XXYLT1: variants seen among roughly 807,000 people sequenced by gnomAD.
XXYLT1 encodes xyloside xylosyltransferase 1, also known as UDP-xylose:alpha-xyloside alpha-1,3-xylosyltransferase.
A neutral mutation model predicts 28.9 loss-of-function variants in XXYLT1; 20 were observed. The observed-to-expected ratio is 0.69, with a 90% CI of 0.49 to 1.00. The LOEUF (loss-of-function observed/expected upper bound fraction) is 1.00, where lower values mean the gene tolerates loss of function less well. Ranked by LOEUF, XXYLT1 falls within the 50% of genes least tolerant of loss-of-function variation. The probability of loss-of-function intolerance (pLI) is 0.00; values close to 1 mark genes in which losing one functional copy is unlikely to be tolerated. For missense variants in XXYLT1, 542 were observed against 560.1 expected (o/e 0.97, Z 0.33); for synonymous variants, 257 against 253.8 (o/e 1.01, Z -0.12).
intron 3 of XXYLT1, 82 bp from the exon 4 acceptor site, chr3:195,070,193 C>T: frequency 6.8e-7 from 1 of 1,479,262 alleles, no homozygotes; most frequent in Non-Finnish European, 8.9e-7. Flanking sequence ...TCACAGCCAG[C>T]CTGCATGCAA....
At chr3:195,163,273 G>A (rs1720962941) in intron 2 of XXYLT1, among the ~76,000 whole-genome samples, 1 of 152,142 alleles carries the variant, frequency 6.6e-6, no homozygotes, top group Admixed American at 6.5e-5. Flanking sequence ...TCAGAATTAT[G>A]GGCTCCTGTT....
chr3:195,214,435 AC>A (rs1723467645), intron 2 of XXYLT1, among the ~76,000 whole-genome samples: 1 of 151,746 alleles, frequency 6.6e-6, no homozygotes, highest in South Asian at 2.1e-4. Flanking sequence ...TCCATCCTAA[AC>A]CAGCCCCCAC....
intron 3 of XXYLT1, among the ~76,000 whole-genome samples, chr3:195,121,252 C>G (rs1052263878): frequency 2.0e-5 from 3 of 152,192 alleles, no homozygotes; most frequent in Non-Finnish European, 2.9e-5. Flanking sequence ...CTACACCTAC[C>G]GAGGCCTTCC....
intron 1 of XXYLT1, among the ~76,000 whole-genome samples, chr3:195,252,992 A>G (rs1275426848): frequency 1.3e-5 from 2 of 152,188 alleles, no homozygotes; most frequent in Admixed American, 1.3e-4. Context: ...TGCAAGAAAC[A>G]AGGGCTCAAG....
chr3:195,093,795 C>T (rs969777774), intron 3 of XXYLT1: 1 of 152,222 alleles, frequency 6.6e-6, no homozygotes, highest in Non-Finnish European at 1.5e-5. Flanking sequence ...TGCTGCCACT[C>T]CTGGAGCCTT....
At chr3:195,202,139 T>C (rs367774550) in intron 2 of XXYLT1, among the ~76,000 whole-genome samples, 2 of 152,098 alleles carry the variant, frequency 1.3e-5, no homozygotes, top group Non-Finnish European at 2.9e-5. Context: ...ATCGTGCCAC[T>C]GCACTCCTGC....
At position 195,169,869 on chromosome 3, in the gene XXYLT1, AT is replaced by A. The variant is rs34190474; in HGVS notation, c.653-13289del. 2.7e-3 allele frequency among the ~76,000 whole-genome samples: 330 copies of A among 123,228 alleles called. 2 individuals carry two copies. Among genetic ancestry groups the A allele is most frequent in the South Asian group, 7.3e-3 (27 of 3,684 alleles). The allele number at this position is 123,228 out of a possible 152,430, so 80.8% of individuals were successfully genotyped here. A position where few individuals can be genotyped will look rare whatever the true frequency, so the allele number is the denominator to read the frequency against. ...TGTGTGTACATATATATATATATAT[AT>A]TTTTTTTTTTTTGAGATGGAGTTTT... On this transcript the variant is annotated intron_variant, in intron 2 of 3. Coordinates refer to ENST00000310380, the MANE Select transcript of XXYLT1 (RefSeq NM_152531.5).
chr3:195,244,698 C>T (rs1428572590), intron 1 of XXYLT1, among the ~76,000 whole-genome samples: 1 of 131,408 alleles, frequency 7.6e-6, no homozygotes, highest in Non-Finnish European at 1.6e-5. Context: ...GGGGGCAGAG[C>T]GTGCAGTGAG....
chr3:195,082,766 T>C (rs889110749), intron 3 of XXYLT1, among the ~76,000 whole-genome samples: 2 of 151,948 alleles, frequency 1.3e-5, no homozygotes, highest in South Asian at 2.1e-4. Context: ...TGACAATCAC[T>C]TGAACCCCGG....
rs1217912148 is a variant in XXYLT1, at chr3:195,270,872, G to A, written c.187C>T (p.Pro63Ser). The part of the protein sequence containing the change: ...KRLKEARAGA[P>S]AAPSPPALEL... Reference sequence around the variant, plus strand: ...AGCGCGGGCGGCGAGGGCGCGGCGGGAGCCCCGGCGCGGGCCTCCTTCAGC... The same window carrying A: ...AGCGCGGGCGGCGAGGGCGCGGCGGAAGCCCCGGCGCGGGCCTCCTTCAGC... The change falls in exon 1 of 4, where the codon CCC (proline) becomes TCC (serine). Residue 63 changes from proline (P) to serine (S), a missense_variant. Coordinates refer to ENST00000310380, the MANE Select transcript of XXYLT1 (RefSeq NM_152531.5). The A allele has an allele frequency of 5.7e-6, 8 of 1,408,538 alleles. No individual in the cohort carries two copies. Among genetic ancestry groups the A allele is most frequent in the Non-Finnish European group, 7.4e-6 (8 of 1,085,946 alleles). The allele number at this position is 1,408,538 out of a possible 1,614,324, so 87.3% of individuals were successfully genotyped here. A position where few individuals can be genotyped will look rare whatever the true frequency, so the allele number is the denominator to read the frequency against.
intron 3 of XXYLT1, among the ~76,000 whole-genome samples, chr3:195,110,593 TG>T (rs2108697074): frequency 7.5e-6 from 1 of 134,002 alleles, no homozygotes; most frequent in South Asian, 2.5e-4. Context: ...TGTATGTGTG[TG>T]TGTGCTGTAT....
chr3:195,119,318 T>C (rs9837892), intron 3 of XXYLT1, among the ~76,000 whole-genome samples: 78,337 of 148,202 alleles, frequency 0.53, 21,447 homozygotes, highest in Middle Eastern at 0.55. Flanking sequence ...AAATAACATA[T>C]ATAGTGAAGC....
At chr3:195,234,008 C>G (rs1287972001) in intron 1 of XXYLT1, among the ~76,000 whole-genome samples, 1 of 152,070 alleles carries the variant, frequency 6.6e-6, no homozygotes, top group Non-Finnish European at 1.5e-5. Flanking sequence ...GCTCCGCCTC[C>G]CAGGTTCATG....
chr3:195,211,116 G>A (rs984939460), intron 2 of XXYLT1, among the ~76,000 whole-genome samples: 2 of 152,232 alleles, frequency 1.3e-5, no homozygotes, highest in African/African-American at 2.4e-5. Context: ...AAGGCAGGCC[G>A]GGCATGGTAG....
At chr3:195,174,355 C>G (rs1246532415) in intron 2 of XXYLT1, among the ~76,000 whole-genome samples, 2 of 151,112 alleles carry the variant, frequency 1.3e-5, no homozygotes, top group East Asian at 3.9e-4. Context: ...CTTTTTTTTT[C>G]TGAGATAGGG....
chr3:195,202,654 T>G (rs1722909339), intron 2 of XXYLT1, among the ~76,000 whole-genome samples: 1 of 152,162 alleles, frequency 6.6e-6, no homozygotes, highest in South Asian at 2.1e-4. Context: ...CTGGGACCCC[T>G]AAGAATACTT....
chr3:195,270,574 G>A lies in XXYLT1; in HGVS notation c.485C>T (p.Ala162Val). 25 of 1,383,638 alleles carry A rather than the reference G, an allele frequency of 1.8e-5. No individual in the cohort carries two copies. The highest frequency in any genetic ancestry group is 2.3e-5 in the Non-Finnish European group (25 of 1,071,310). 85.7% of individuals were successfully genotyped at this position (1,383,638 alleles called of 1,614,324 possible). A position where few individuals can be genotyped will look rare whatever the true frequency, so the allele number is the denominator to read the frequency against. Residue 162 changes from alanine to valine, a missense_variant, in exon 1 of 4, where the codon GCC becomes GTC. Physicochemically the swap from Ala to Val is moderately conservative, Grantham distance 64. Coordinates refer to ENST00000310380, the MANE Select transcript of XXYLT1 (RefSeq NM_152531.5). Reference protein sequence around the residue: ...KGLLRELLPPAAGFKCKVIFH... With the variant: ...KGLLRELLPPVAGFKCKVIFH... ...GCTCACCTTGCACTTGAAGCCAGCG[G>A]CGGGCGGCAGGAGCTCCCGCAGCAG...
intron 3 of XXYLT1, among the ~76,000 whole-genome samples, chr3:195,079,383 G>A (rs977365602): frequency 6.6e-6 from 1 of 152,132 alleles, no homozygotes; most frequent in Admixed American, 6.5e-5. Flanking sequence ...CAAGGGAAAG[G>A]GATGCATACA....
intron 3 of XXYLT1, among the ~76,000 whole-genome samples, chr3:195,088,109 G>C (rs974026626): frequency 4.6e-5 from 7 of 151,834 alleles, no homozygotes; most frequent in African/African-American, 1.5e-4. Flanking sequence ...GGCTGGGGGA[G>C]GGGCGCCCGC....
Sources: allele counts gnomAD v4.1 joint callset (sites outside exome capture counted in the v4.1 genomes callset), GRCh38; gene constraint gnomAD v4.1.1; transcripts MANE v1.5; gene names NCBI Gene and HGNC (gene_info 2026-07-23, HGNC 2026-07-21).